Variants in PYROXD1 observed in about 807,000 individuals in gnomAD.
The protein encoded by PYROXD1 is pyridine nucleotide-disulphide oxidoreductase domain 1.
PYROXD1 carries 42 observed loss-of-function variants against 62.0 expected under a neutral mutation model. That is an observed-to-expected ratio of 0.68 (90% CI 0.53 to 0.88). The LOEUF is 0.88. Among genes scored for constraint, PYROXD1 ranks in the 40% least tolerant of loss-of-function variants. PYROXD1 has a pLI of 0.00. For synonymous variants in PYROXD1, 170 were observed against 206.4 expected (o/e 0.82, Z 1.51); for missense variants, 493 against 604.8 (o/e 0.82, Z 1.94).
chr12:21,458,471 C>G (rs1158156231), intron 7 of PYROXD1, among the ~76,000 whole-genome samples: 1 of 152,200 alleles, frequency 6.6e-6, no homozygotes. Context: ...AGATTTACTT[C>G]AAGAATGTTT....
At chr12:21,465,928 C>T (rs1343049969) in intron 10 of PYROXD1, among the ~76,000 whole-genome samples, 4 of 152,074 alleles carry the variant, frequency 2.6e-5, no homozygotes, top group African/African-American at 7.2e-5. Flanking sequence ...TAGGGAATCC[C>T]TTCCCCATTT....
At chr12:21,456,965 A>G (rs1450763510) in intron 7 of PYROXD1, 2 of 433,638 alleles carry the variant, frequency 4.6e-6, no homozygotes, top group Non-Finnish European at 9.1e-6. Context: ...AAATTTTATC[A>G]TGAGATTGCA....
rs559239141 is a variant in PYROXD1, at chr12:21,444,013, T to C, written c.166-1334T>C. Reference sequence around the variant, plus strand: ...TGTATAGCTGGGTCTCATAAGTATCTTTCCAGAAGACCTAATTCAGTATAA... The same window carrying C: ...TGTATAGCTGGGTCTCATAAGTATCCTTCCAGAAGACCTAATTCAGTATAA... On this transcript the variant is annotated intron_variant, in intron 2 of 11. Coordinates refer to ENST00000240651, the MANE Select transcript of PYROXD1 (RefSeq NM_024854.5). Among the ~76,000 whole-genome samples the C allele has an allele frequency of 7.2e-5, 11 of 152,330 alleles. 1 individual carries two copies. In the East Asian group the frequency reaches 2.1e-3, roughly 29 times the overall value.
At chr12:21,446,937 A>T (rs920850793) in intron 3 of PYROXD1, among the ~76,000 whole-genome samples, 32 of 152,300 alleles carry the variant, frequency 2.1e-4, no homozygotes, top group African/African-American at 7.0e-4. Flanking sequence ...AATAATTTTT[A>T]AAAAATTGAT....
Position 21,468,663 on chromosome 12 carries a change from T to A in PYROXD1, c.1412T>A (p.Phe471Tyr). 6.2e-7 allele frequency: 1 copy of A among 1,612,626 alleles called. No homozygotes were observed. Among genetic ancestry groups the A allele is most frequent in the Non-Finnish European group, 8.5e-7 (1 of 1,179,188 alleles). The change falls in exon 12 of 12, where the codon TTT (phenylalanine) becomes TAT (tyrosine). Residue 471 changes from phenylalanine to tyrosine, a missense_variant. By Grantham distance (22) the Phe-to-Tyr change is conservative. Coordinates refer to ENST00000240651, the MANE Select transcript of PYROXD1 (RefSeq NM_024854.5). ...LIGETDLEET[F>Y]ENLILNQMNL... ...GGTGAAACCGATTTAGAAGAAACAT[T>A]TGAAAACCTAATCTTAAACCAAATG... is the stretch of plus-strand genomic sequence containing the variant.
At chr12:21,448,353 A>G (rs1942431437) in intron 3 of PYROXD1, 1 of 272,960 alleles carries the variant, frequency 3.7e-6, no homozygotes, top group Middle Eastern at 1.0e-3. Context: ...AATTAGAGAT[A>G]GTATGTTTTA....
chr12:21,455,321 T>A, intron 6 of PYROXD1, 29 bp downstream of exon 6: 1 of 1,366,834 alleles, frequency 7.3e-7, no homozygotes, highest in Non-Finnish European at 9.6e-7. Context: ...TCATTAATTC[T>A]CATACAAAAC....
intron 10 of PYROXD1, among the ~76,000 whole-genome samples, chr12:21,466,169 T>C (rs1942789591): frequency 6.6e-6 from 1 of 150,926 alleles, no homozygotes; most frequent in South Asian, 2.1e-4. Context: ...TGGTTCCATA[T>C]GAACTTTAAA....
chr12:21,455,462 TTATA>T (rs10595518), intron 6 of PYROXD1, among the ~76,000 whole-genome samples, 170 bp downstream of exon 6: 1 of 148,358 alleles, frequency 6.7e-6, no homozygotes, highest in African/African-American at 2.5e-5. Context: ...TGTATGTATT[TTATA>T]TATATATATA....
chr12:21,462,614 A>G (rs1045888684), intron 9 of PYROXD1, 126 bp from the exon 10 acceptor site: 2 of 1,082,368 alleles, frequency 1.8e-6, no homozygotes, highest in African/African-American at 1.6e-5. Flanking sequence ...CTTTGCTGAT[A>G]TTTTTCATTT....
Position 21,437,723 on chromosome 12 carries a change from C to A in PYROXD1, c.-8C>A, listed in dbSNP as rs1942213176. On this transcript the variant is annotated 5_prime_UTR_variant, in exon 1 of 12. Transcript: ENST00000240651. ...CGATATTCAGTAAACCACTGGGAGT[C>A]CGGCAGCATGGAGGCAGCGCGCCCT... 3 of 1,610,624 alleles carry A rather than the reference C, an allele frequency of 1.9e-6. No homozygotes were observed. Among genetic ancestry groups the A allele is most frequent in the Non-Finnish European group, 2.5e-6 (3 of 1,178,806 alleles).
intron 6 of PYROXD1, among the ~76,000 whole-genome samples, chr12:21,455,646 T>G (rs1457909856): frequency 6.6e-6 from 1 of 151,400 alleles, no homozygotes; most frequent in African/African-American, 2.4e-5. Context: ...TGAAAAACTT[T>G]TAGATTATAA....
At chr12:21,465,029 A>G (rs1591957630) in intron 10 of PYROXD1, among the ~76,000 whole-genome samples, 2 of 152,262 alleles carry the variant, frequency 1.3e-5, no homozygotes, top group East Asian at 3.9e-4. Flanking sequence ...ATAGTATTCC[A>G]TGGTGTATAT....
chr12:21,465,542 G>A (rs2137288518), intron 10 of PYROXD1, among the ~76,000 whole-genome samples: 1 of 151,870 alleles, frequency 6.6e-6, no homozygotes, highest in Non-Finnish European at 1.5e-5. Flanking sequence ...ATTTGTTTGA[G>A]TTCATTGTAG....
chr12:21,446,495 A>G (rs1183915716), intron 3 of PYROXD1, among the ~76,000 whole-genome samples: 1 of 145,514 alleles, frequency 6.9e-6, no homozygotes, highest in Non-Finnish European at 1.5e-5. Context: ...GAGCTGGGGC[A>G]TCAATGATAA....
At chr12:21,463,405 T>C (rs1392349406) in intron 10 of PYROXD1, among the ~76,000 whole-genome samples, 2 of 152,072 alleles carry the variant, frequency 1.3e-5, no homozygotes, top group Non-Finnish European at 2.9e-5. Context: ...TACTAAAAAA[T>C]GTTCTGGGCG....
intron 1 of PYROXD1, chr12:21,438,113 C>CA (rs1942226627): frequency 2.7e-6 from 1 of 364,788 alleles, no homozygotes. Context: ...TGTATTTAGA[C>CA]AAAAAATTCA....
intron 3 of PYROXD1, chr12:21,448,248 C>T (rs1288531512): frequency 4.7e-6 from 2 of 429,910 alleles, no homozygotes; most frequent in Non-Finnish European, 9.0e-6. Flanking sequence ...TGCTACTGTG[C>T]TTCCCCAGGA....
chr12:21,439,428 A>G (rs757618766), intron 1 of PYROXD1, among the ~76,000 whole-genome samples: 1 of 152,174 alleles, frequency 6.6e-6, no homozygotes, highest in Admixed American at 6.5e-5. Context: ...GGAGAGAGTA[A>G]TGATATTGTC....
Sources: gnomAD v4.1 joint callset for allele counts (sites outside exome capture counted in the v4.1 genomes callset) on GRCh38, gnomAD v4.1.1 for gene constraint, MANE v1.5 for transcripts, NCBI Gene and HGNC (gene_info 2026-07-23, HGNC 2026-07-21) for gene names.